LRFN5: variants seen among roughly 807,000 people sequenced by gnomAD.
The protein encoded by LRFN5 is leucine-rich repeat and fibronectin type-III domain-containing protein 5.
LRFN5 carries 24 observed loss-of-function variants against 45.6 expected under a neutral mutation model. That is an observed-to-expected ratio of 0.53 (90% confidence interval 0.38 to 0.74). LRFN5 has a LOEUF of 0.74. Ranked by LOEUF, LRFN5 falls within the 30% of genes least tolerant of loss-of-function variation. The pLI, the probability that LRFN5 is intolerant of heterozygous loss-of-function variation, is 0.00. For missense variants in LRFN5, 776 were observed against 861.5 expected (o/e 0.90, Z 1.24); for synonymous variants, 340 against 313.8 (o/e 1.08, Z -0.88).
chr14:41,756,680 A>G (rs1885401731), intron 1 of LRFN5, among the ~76,000 whole-genome samples: 1 of 152,014 alleles, frequency 6.6e-6, no homozygotes, highest in African/African-American at 2.4e-5. Flanking sequence ...CAAGGTTTTT[A>G]ACTTCTTTGC....
chr14:41,661,722 C>A (rs1271122345), intron 1 of LRFN5, among the ~76,000 whole-genome samples: 5 of 151,914 alleles, frequency 3.3e-5, no homozygotes, highest in Admixed American at 6.6e-5. Flanking sequence ...GTCAATAAGG[C>A]CTTTAGGAAA....
intron 1 of LRFN5, among the ~76,000 whole-genome samples, chr14:41,622,940 T>C (rs1032941653): frequency 6.6e-6 from 1 of 152,276 alleles, no homozygotes; most frequent in Middle Eastern, 3.4e-3. Flanking sequence ...TTTAAGCTTA[T>C]ATGAGACAAA....
At chr14:41,865,343 G>A (rs1889803627) in intron 2 of LRFN5, among the ~76,000 whole-genome samples, 1 of 152,002 alleles carries the variant, frequency 6.6e-6, no homozygotes, top group Non-Finnish European at 1.5e-5. Flanking sequence ...TTTTTTGACA[G>A]GCTGTTTTTA....
chr14:41,862,206 G>A (rs767898689), intron 2 of LRFN5, among the ~76,000 whole-genome samples: 22 of 152,040 alleles, frequency 1.4e-4, no homozygotes, highest in South Asian at 8.3e-4. Context: ...AGTATGAATG[G>A]ACTAATACAC....
At chr14:41,899,392 GAAGTGTTTCACTGTTATCTA>G (rs1285516600) in intron 5 of LRFN5, among the ~76,000 whole-genome samples, 9 of 152,122 alleles carry the variant, frequency 5.9e-5, no homozygotes, top group Admixed American at 6.6e-5. Flanking sequence ...CAGATGAACA[GAAGTGTTTCACTGTTATCTA>G]AAATGAATGA....
At chr14:41,687,033 G>C (rs1191602345) in intron 1 of LRFN5, among the ~76,000 whole-genome samples, 1 of 152,108 alleles carries the variant, frequency 6.6e-6, no homozygotes. Context: ...CAGAAGGAAA[G>C]TTACCAGCAC....
chr14:41,878,090 A>G (rs1053987335), intron 2 of LRFN5, among the ~76,000 whole-genome samples: 4 of 152,092 alleles, frequency 2.6e-5, no homozygotes, highest in Admixed American at 1.3e-4. Flanking sequence ...AAATGTTAGC[A>G]TTTATAGTCT....
chr14:41,813,049 C>G (rs1188447926), intron 2 of LRFN5, among the ~76,000 whole-genome samples: 4 of 152,074 alleles, frequency 2.6e-5, no homozygotes, highest in African/African-American at 7.2e-5. Flanking sequence ...TTGTTTCCCA[C>G]CCTTTGAAGT....
At chr14:41,635,530 G>A (rs969600423) in intron 1 of LRFN5, among the ~76,000 whole-genome samples, 16 of 152,062 alleles carry the variant, frequency 1.1e-4, no homozygotes, top group Admixed American at 5.3e-4. Context: ...AATACTAAGC[G>A]TGCAGTAGGG....
In LRFN5 at chr14:41,757,103, A is replaced by T. The variant is rs565333451; in HGVS notation, c.-196-9751A>T. Among the ~76,000 whole-genome samples the T allele has an allele frequency of 2.1e-3, 322 of 152,244 alleles. 3 individuals are homozygous for T. Among genetic ancestry groups the T allele is most frequent in the African/African-American group, 7.5e-3 (310 of 41,540 alleles). On this transcript the variant is annotated intron_variant, in intron 1 of 5. Coordinates refer to ENST00000298119, the MANE Select transcript of LRFN5 (RefSeq NM_152447.5). ...GGTGAACAGCAAATGTTGCTGCCTG[A>T]TCGTTCCTCTGGAAGTTTTGTCTCA...
intron 2 of LRFN5, among the ~76,000 whole-genome samples, chr14:41,820,198 A>T (rs1888066151): frequency 9.0e-6 from 1 of 110,934 alleles, no homozygotes; most frequent in Admixed American, 8.5e-5. Context: ...CGTAGGCCAA[A>T]TCCCAGAGTT....
At chr14:41,771,381 C>G (rs1953188905) in intron 2 of LRFN5, among the ~76,000 whole-genome samples, 1 of 151,934 alleles carries the variant, frequency 6.6e-6, no homozygotes, top group Non-Finnish European at 1.5e-5. Flanking sequence ...TCTTTATATT[C>G]TTTCTCTGTC....
Position 41,624,904 on chromosome 14 carries a change from A to AT in LRFN5, c.-197+16353dup, listed in dbSNP as rs558776352. ...TAAATAATGTCCCTCCTGCTTCTTA[A>AT]TTTTTTTTTTTCTTTTCATGTCTTA... On this transcript the variant is annotated intron_variant, in intron 1 of 5. Transcript: ENST00000298119. 6.3e-3 allele frequency among the ~76,000 whole-genome samples: 932 copies of AT among 147,482 alleles called. 11 individuals are homozygous for AT. Among genetic ancestry groups the AT allele is most frequent in the Non-Finnish European group, 9.5e-3 (631 of 66,414 alleles).
chr14:41,827,618 A>T (rs935148387), intron 2 of LRFN5, among the ~76,000 whole-genome samples: 4 of 151,960 alleles, frequency 2.6e-5, no homozygotes, highest in Non-Finnish European at 5.9e-5. Context: ...TCTGATATTA[A>T]TTTTTCCTTG....
intron 2 of LRFN5, among the ~76,000 whole-genome samples, chr14:41,843,873 A>G (rs1410518251): frequency 6.6e-6 from 1 of 152,250 alleles, no homozygotes; most frequent in Non-Finnish European, 1.5e-5. Context: ...ACAAGTAACA[A>G]TATAGAAAAT....
At chr14:41,647,697 C>A (rs1879883458) in intron 1 of LRFN5, among the ~76,000 whole-genome samples, 1 of 152,048 alleles carries the variant, frequency 6.6e-6, no homozygotes, top group African/African-American at 2.4e-5. Flanking sequence ...ACTTTGAGTT[C>A]CACATGGGAT....
chr14:41,865,689 T>C (rs1163263133), intron 2 of LRFN5, among the ~76,000 whole-genome samples: 3 of 152,214 alleles, frequency 2.0e-5, no homozygotes, highest in South Asian at 4.1e-4. Flanking sequence ...GCAAAATCAA[T>C]GTATGAGGAT....
intron 1 of LRFN5, among the ~76,000 whole-genome samples, chr14:41,627,353 A>C (rs917849086): frequency 6.6e-6 from 1 of 152,170 alleles, no homozygotes; most frequent in Non-Finnish European, 1.5e-5. Context: ...AAGCAAAAGA[A>C]AAACAAACAC....
intron 1 of LRFN5, among the ~76,000 whole-genome samples, chr14:41,609,849 G>A (rs1887666128): frequency 6.6e-6 from 1 of 152,146 alleles, no homozygotes; most frequent in Non-Finnish European, 1.5e-5. Flanking sequence ...AGGAAGTGTA[G>A]GGGCGCTGCC....
Sources: allele counts gnomAD v4.1 joint callset (sites outside exome capture counted in the v4.1 genomes callset), GRCh38; gene constraint gnomAD v4.1.1; transcripts MANE v1.5; gene names NCBI Gene and HGNC (gene_info 2026-07-23, HGNC 2026-07-21).